The following CRTC1 variants were observed in gnomAD, a reference collection of about 807,000 sequenced individuals.
CRTC1 encodes the protein CREB-regulated transcription coactivator 1.
Under a neutral mutation model 66.1 loss-of-function variants are expected in CRTC1, and 18 were observed. The ratio of observed to expected loss-of-function variants is 0.27; its 90% CI spans 0.19 to 0.40. The LOEUF is 0.40. Among genes scored for constraint, CRTC1 ranks in the 10% least tolerant of loss-of-function variants. CRTC1 has a pLI of 1.00. For missense variants in CRTC1, 669 were observed against 887.9 expected (o/e 0.75, Z 3.13); for synonymous variants, 416 against 398.8 (o/e 1.04, Z -0.51).
intron 9 of CRTC1, among the ~76,000 whole-genome samples, chr19:18,767,624 C>G (rs1216167465): frequency 1.3e-5 from 2 of 152,222 alleles, no homozygotes; most frequent in Admixed American, 6.5e-5. Flanking sequence ...CCCCATGTCT[C>G]CTGTCTGCTT....
intron 1 of CRTC1, among the ~76,000 whole-genome samples, chr19:18,706,303 C>T (rs1295112994): frequency 7.2e-6 from 1 of 138,682 alleles, no homozygotes; most frequent in Non-Finnish European, 1.5e-5. Context: ...CTCCCGGGTT[C>T]AAAGCGATTC....
At chr19:18,748,374 ATT>A (rs777077338) in intron 4 of CRTC1, among the ~76,000 whole-genome samples, 3 of 75,400 alleles carry the variant, frequency 4.0e-5, no homozygotes, top group Admixed American at 1.6e-4. Flanking sequence ...CTTCCAGCTG[ATT>A]TTTTTTTTTT....
At position 18,780,567 on chromosome 19, in the gene CRTC1, A is replaced by AT. The variant is rs2055084071; in HGVS notation, c.*3186dup. On this transcript the variant is annotated 3_prime_UTR_variant, in exon 14 of 14. Transcript: ENST00000321949. ...GGACCCCTAGCCAGGAGGGCCCCCC[A>AT]TGTCCATCCATCCCTCCTGCTGGGG... 4.3e-6 allele frequency: 1 copy of AT among 230,598 alleles called. No homozygotes were observed. The highest frequency in any genetic ancestry group is 5.7e-5 in the Admixed American group (1 of 17,666). 14.3% of individuals were successfully genotyped at this position (230,598 alleles called of 1,614,324 possible).
Position 18,683,687 on chromosome 19 carries a change from AG to A in CRTC1, c.-14del. On this transcript the variant is annotated 5_prime_UTR_variant, in exon 1 of 14. Coordinates refer to ENST00000321949, the MANE Select transcript of CRTC1 (RefSeq NM_015321.3). The stretch of plus-strand genomic sequence containing the variant: ...GTGGAGGAGGAGGAGGAGGAGGAGG[AG>A]GTGGCGGCGAGAAGATGGCGACTTC... The A allele has an allele frequency of 7.4e-7, 1 of 1,360,198 alleles. No homozygotes were observed. The highest frequency in any genetic ancestry group is 9.7e-7 in the Non-Finnish European group (1 of 1,028,340). 84.3% of individuals were successfully genotyped at this position (1,360,198 alleles called of 1,614,324 possible). A position where few individuals can be genotyped will look rare whatever the true frequency, so the allele number is the denominator to read the frequency against.
At chr19:18,691,713 T>TC (rs1484008609) in intron 1 of CRTC1, among the ~76,000 whole-genome samples, 1 of 151,636 alleles carries the variant, frequency 6.6e-6, no homozygotes, top group Non-Finnish European at 1.5e-5. Flanking sequence ...TGCCGGTGCC[T>TC]CTTTTTTTTG....
intron 6 of CRTC1, among the ~76,000 whole-genome samples, chr19:18,757,375 C>T (rs916974722): frequency 6.6e-6 from 1 of 152,098 alleles, no homozygotes; most frequent in African/African-American, 2.4e-5. Flanking sequence ...AAACATTGGT[C>T]CTCCAGGAAG....
intron 1 of CRTC1, among the ~76,000 whole-genome samples, chr19:18,700,939 C>T (rs1200878080): frequency 6.6e-6 from 1 of 152,282 alleles, no homozygotes; most frequent in Non-Finnish European, 1.5e-5. Flanking sequence ...GCGCATCCCG[C>T]TTCCATCGCT....
At chr19:18,763,082 G>C (rs2054651021) in intron 8 of CRTC1, among the ~76,000 whole-genome samples, 1 of 152,066 alleles carries the variant, frequency 6.6e-6, no homozygotes. Context: ...TTGTGCTACA[G>C]TTGCCTACTG....
chr19:18,709,158 G>T (rs1053989479), intron 1 of CRTC1, among the ~76,000 whole-genome samples: 3 of 152,182 alleles, frequency 2.0e-5, no homozygotes, highest in African/African-American at 7.2e-5. Flanking sequence ...GGTGCACCTG[G>T]CAGTGGGCAG....
chr19:18,721,492 CTTTTT>C (rs56049346), intron 1 of CRTC1, among the ~76,000 whole-genome samples: 4 of 122,100 alleles, frequency 3.3e-5, no homozygotes, highest in South Asian at 5.4e-4. Flanking sequence ...CACACCCGGC[CTTTTT>C]TTTTTTTTTT....
intron 6 of CRTC1, among the ~76,000 whole-genome samples, chr19:18,757,874 C>T (rs999065063): frequency 6.7e-5 from 10 of 150,330 alleles, no homozygotes; most frequent in Non-Finnish European, 1.0e-4. Flanking sequence ...AAAAATTAGC[C>T]GGGCGTGGTG....
At position 18,723,357 on chromosome 19, in the gene CRTC1, C is replaced by G. The variant is rs141492367; in HGVS notation, c.127-19553C>G. Among the ~76,000 whole-genome samples the G allele has an allele frequency of 1.3e-3, 200 of 152,322 alleles. 1 individual carries two copies. The highest frequency in any genetic ancestry group is 4.5e-3 in the African/African-American group (188 of 41,580). The stretch of plus-strand genomic sequence containing the variant: ...CACCTACCGTTTGTAAGTTTGTTGA[C>G]ATCTTATCTCCAATCTCCCCATGGG... On this transcript the variant is annotated intron_variant, in intron 1 of 13. Coordinates refer to ENST00000321949, the MANE Select transcript of CRTC1 (RefSeq NM_015321.3).
chr19:18,729,427 AAAAAAAAAAAAG>A (rs993376561), intron 1 of CRTC1, among the ~76,000 whole-genome samples: 2 of 147,224 alleles, frequency 1.4e-5, no homozygotes, highest in African/African-American at 2.5e-5. Context: ...CTCCGTCTCA[AAAAAAAAAAAAG>A]AAAAAAAAAA....
intron 6 of CRTC1, among the ~76,000 whole-genome samples, chr19:18,755,521 C>T (rs896711322): frequency 2.6e-5 from 4 of 151,476 alleles, no homozygotes; most frequent in African/African-American, 9.7e-5. Context: ...CCTCAACCTC[C>T]CGGGCTCAGG....
intron 1 of CRTC1, among the ~76,000 whole-genome samples, chr19:18,692,066 A>G (rs1394561489): frequency 6.6e-6 from 1 of 151,174 alleles, no homozygotes; most frequent in Non-Finnish European, 1.5e-5. Context: ...GAGCTCCTAC[A>G]CTCCAACCCC....
In CRTC1 at chr19:18,771,442, G is replaced by A; in HGVS notation, c.1321G>A (p.Ala441Thr). 1 of 1,611,780 alleles carries A rather than the reference G, an allele frequency of 6.2e-7. No individual in the cohort carries two copies. Among genetic ancestry groups the A allele is most frequent in the Non-Finnish European group, 8.5e-7 (1 of 1,178,936 alleles). The change falls in exon 11 of 14, where the codon GCG (alanine) becomes ACG (threonine). Residue 441 changes from alanine to threonine, a missense_variant and splice_region_variant. Physicochemically the swap from Ala to Thr is moderately conservative, Grantham distance 58. Coordinates refer to ENST00000321949, the MANE Select transcript of CRTC1 (RefSeq NM_015321.3). The surrounding 1 kb of genome is among the most constrained non-coding windows in gnomAD (Gnocchi z 4.6). ...CGTGCTGATCTGTCTGTCATCGCAG[G>A]CGCCGGCTCTGCAGCAGTACCGCAC... ...QPSMGIDIAS[A>T]PALQQYRTSA...
chr19:18,756,334 CAAAAAAAA>C (rs56092227), intron 6 of CRTC1, among the ~76,000 whole-genome samples: 9 of 73,178 alleles, frequency 1.2e-4, no homozygotes, highest in African/African-American at 5.6e-4. Flanking sequence ...AACTCCATCT[CAAAAAAAA>C]AAAAAAAAAA....
chr19:18,695,983 C>T (rs115375774), intron 1 of CRTC1, among the ~76,000 whole-genome samples: 313 of 152,284 alleles, frequency 2.1e-3, no homozygotes, highest in African/African-American at 7.0e-3. Flanking sequence ...GTGTCAGGCC[C>T]TGTGTGTGCC....
chr19:18,775,103 T>C (rs2054956083), intron 12 of CRTC1, 117 bp downstream of exon 12: 6 of 1,009,458 alleles, frequency 5.9e-6, no homozygotes, highest in Non-Finnish European at 7.4e-6. Flanking sequence ...GGCCCGTGCC[T>C]GCCCCTCAGC....
Sources: gnomAD v4.1 joint callset for allele counts (sites outside exome capture counted in the v4.1 genomes callset) on GRCh38, gnomAD v4.1.1 for gene constraint, Gnocchi (gnomAD v3.1) non-coding constraint, MANE v1.5 for transcripts, NCBI Gene and HGNC (gene_info 2026-07-23, HGNC 2026-07-21) for gene names.